CCT6B: variants seen among roughly 807,000 people sequenced by gnomAD.
CCT6B encodes chaperonin containing TCP1 subunit 6B.
CCT6B carries 49 observed loss-of-function variants against 61.5 expected under a neutral mutation model. The ratio of observed to expected loss-of-function variants is 0.80; its 90% CI spans 0.63 to 1.01. CCT6B has a LOEUF of 1.01. CCT6B is among the 50% of genes least tolerant of loss of function. The pLI, the probability that CCT6B is intolerant of heterozygous loss-of-function variation, is 0.00. For synonymous variants in CCT6B, 228 were observed against 214.5 expected, an observed-to-expected ratio of 1.06 and a Z score of -0.55; for missense variants, 666 against 634.7, an observed-to-expected ratio of 1.05 and a Z score of -0.53.
At chr17:34,958,387 T>C (rs2090372110) in intron 3 of CCT6B, among the ~76,000 whole-genome samples, 173 bp downstream of exon 3, 1 of 152,164 alleles carries the variant, frequency 6.6e-6, no homozygotes, top group Admixed American at 6.5e-5. Flanking sequence ...GAGGTTGCAG[T>C]GAGCCAAGAT....
At chr17:34,960,245 C>T (rs1425176544) in intron 1 of CCT6B, among the ~76,000 whole-genome samples, 1 of 152,208 alleles carries the variant, frequency 6.6e-6, no homozygotes, top group Non-Finnish European at 1.5e-5. Flanking sequence ...CCATCATTTT[C>T]AAGTTAAAAT....
At chr17:34,955,061 T>C (rs1025345875) in intron 3 of CCT6B, among the ~76,000 whole-genome samples, 4 of 152,232 alleles carry the variant, frequency 2.6e-5, no homozygotes, top group South Asian at 4.1e-4. Context: ...AACAGTTCTA[T>C]GGTATTTTGG....
At chr17:34,960,128 C>T (rs1017366375) in intron 1 of CCT6B, among the ~76,000 whole-genome samples, 6 of 152,204 alleles carry the variant, frequency 3.9e-5, no homozygotes, top group African/African-American at 9.6e-5. Context: ...GGATGGCATC[C>T]GGATATCTCC....
intron 5 of CCT6B, 126 bp downstream of exon 5, chr17:34,951,824 G>C: frequency 2.0e-6 from 1 of 504,634 alleles, no homozygotes; most frequent in Non-Finnish European, 3.5e-6. Flanking sequence ...CCATTACCTA[G>C]AGCAGTGACT....
At chr17:34,960,585 A>T (rs2090401656) in intron 1 of CCT6B, among the ~76,000 whole-genome samples, 1 of 152,162 alleles carries the variant, frequency 6.6e-6, no homozygotes, top group African/African-American at 2.4e-5. Flanking sequence ...TCTCTACCAC[A>T]TCTCCTTAAG....
chr17:34,939,749 G>T, intron 8 of CCT6B, 36 bp from the exon 9 acceptor site: 1 of 1,240,438 alleles, frequency 8.1e-7, no homozygotes, highest in South Asian at 1.2e-5. Flanking sequence ...GCTTGATTAT[G>T]GAGAACATTA....
chr17:34,939,821 T>C, intron 8 of CCT6B, 108 bp from the exon 9 acceptor site: 2 of 715,868 alleles, frequency 2.8e-6, no homozygotes, highest in Non-Finnish European at 4.9e-6. Flanking sequence ...TGTATTGTAT[T>C]GTTTTGGGTT....
intron 10 of CCT6B, among the ~76,000 whole-genome samples, chr17:34,934,099 A>T (rs951957771): frequency 3.0e-4 from 46 of 151,086 alleles, no homozygotes; most frequent in African/African-American, 1.1e-3. Flanking sequence ...ACTGCACTCC[A>T]GCCTAGGTGA....
rs1404055576 is a variant in CCT6B at position 34,954,448 on chromosome 17, T to A, written c.488A>T (p.Glu163Val). ...RTSLQTKVHA[E>V]LADVLTEVVV... Reference sequence around the variant, plus strand: ...TACCTCTGTTAAGACATCAGCCAGTTCAGCATGAACTTTAGTTTGTAATGA... The same window carrying A: ...TACCTCTGTTAAGACATCAGCCAGTACAGCATGAACTTTAGTTTGTAATGA... The change falls in exon 4 of 14, where the codon GAA becomes GTA. Residue 163 changes from glutamate (E) to valine (V), a missense_variant. By Grantham distance (121) the Glu-to-Val change is moderately radical. Coordinates refer to ENST00000314144, the MANE Select transcript of CCT6B (RefSeq NM_006584.4). 1.2e-6 allele frequency: 2 copies of A among 1,610,008 alleles called. No homozygotes were observed. The highest frequency in any genetic ancestry group is 1.7e-6 in the Non-Finnish European group (2 of 1,178,664).
intron 1 of CCT6B, among the ~76,000 whole-genome samples, chr17:34,959,926 G>A (rs2090393040): frequency 6.6e-6 from 1 of 152,212 alleles, no homozygotes; most frequent in African/African-American, 2.4e-5. Context: ...ATACTTGGAA[G>A]TCTACAAAGC....
At position 34,942,883 on chromosome 17, in the gene CCT6B, TC is replaced by T. The variant is rs2090182101; in HGVS notation, c.637del (p.Asp213IlefsTer9). ...CATATCTGGATGACGGGCACCATGA[TC>T]CAAAACTAATCCTTGGATCAACCTA... is the stretch of plus-strand genomic sequence containing the variant. ...DTKLIQGLVL[D>X]HGARHPDMKK... On this transcript the variant is annotated frameshift_variant, in exon 6 of 14. Transcript: ENST00000314144. LOFTEE classifies it high-confidence loss of function. The T allele has an allele frequency of 6.2e-7, 1 of 1,606,036 alleles. No homozygotes were observed. Among genetic ancestry groups the T allele is most frequent in the African/African-American group, 1.3e-5 (1 of 74,724 alleles).
At chr17:34,929,733 T>C (rs1003372564) in intron 12 of CCT6B, among the ~76,000 whole-genome samples, 1 of 151,814 alleles carries the variant, frequency 6.6e-6, no homozygotes, top group Non-Finnish European at 1.5e-5. Context: ...AGGCTGGTCT[T>C]GAACCCTTGA....
intron 10 of CCT6B, among the ~76,000 whole-genome samples, chr17:34,935,099 G>A (rs1161663615): frequency 6.6e-6 from 1 of 152,154 alleles, no homozygotes; most frequent in African/African-American, 2.4e-5. Context: ...TCTGGCACAT[G>A]CTACAACATG....
At chr17:34,928,229 T>A in intron 13 of CCT6B, 112 bp from the exon 14 acceptor site, 2 of 588,372 alleles carry the variant, frequency 3.4e-6, no homozygotes, top group Non-Finnish European at 6.1e-6. Flanking sequence ...GTTAGTATGA[T>A]GTTTTATGAG....
At chr17:34,942,463 A>T in intron 7 of CCT6B, 21 bp downstream of exon 7, 1 of 1,570,594 alleles carries the variant, frequency 6.4e-7, no homozygotes, top group African/African-American at 1.4e-5. Context: ...AAATAACTAA[A>T]ATCTAAACTT....
chr17:34,937,868 A>T (rs2090111823), intron 10 of CCT6B, among the ~76,000 whole-genome samples: 1 of 149,798 alleles, frequency 6.7e-6, no homozygotes, highest in Non-Finnish European at 1.5e-5. Flanking sequence ...ACTAACACAA[A>T]TTTTTTTCTT....
In CCT6B at chr17:34,942,735, A is replaced by C. The variant is rs2142155301; in HGVS notation, c.725+61T>G. ...ACACCAAACATCTGGAAGGAAAAAG[A>C]GATTTTAAAACACCTTTAGAAAAAA... On this transcript the variant is annotated intron_variant, in intron 6 of 13. Coordinates refer to ENST00000314144, the MANE Select transcript of CCT6B (RefSeq NM_006584.4). 3 of 1,492,514 alleles carry C rather than the reference A, an allele frequency of 2.0e-6. No homozygotes were observed. The East Asian group carries it at 6.8e-5, about 34-fold the overall frequency. 92.5% of individuals were successfully genotyped at this position (1,492,514 alleles called of 1,614,324 possible). A position where few individuals can be genotyped will look rare whatever the true frequency, so the allele number is the denominator to read the frequency against.
At chr17:34,954,721 A>T (rs1310610834) in intron 3 of CCT6B, 122 bp from the exon 4 acceptor site, 8 of 710,640 alleles carry the variant, frequency 1.1e-5, no homozygotes, top group Non-Finnish European at 1.8e-5. Flanking sequence ...ATATAAGTGT[A>T]CATAATTTAT....
At chr17:34,929,288 T>G (rs1394685927) in intron 12 of CCT6B, among the ~76,000 whole-genome samples, 1 of 152,070 alleles carries the variant, frequency 6.6e-6, no homozygotes, top group Non-Finnish European at 1.5e-5. Context: ...TCTTTTGCAT[T>G]AGTGGCTCCT....
Sources: gnomAD v4.1 joint callset for allele counts (sites outside exome capture counted in the v4.1 genomes callset) on GRCh38, gnomAD v4.1.1 for gene constraint, MANE v1.5 for transcripts, NCBI Gene and HGNC (gene_info 2026-07-23, HGNC 2026-07-21) for gene names.